The following RBMS3 variants were observed in gnomAD, a reference collection of about 807,000 sequenced individuals.
RBMS3 encodes RNA binding motif single stranded interacting protein 3, also known as RNA-binding motif, single-stranded-interacting protein 3.
Under a neutral mutation model 66.8 loss-of-function variants are expected in RBMS3, and 27 were observed. The observed-to-expected ratio is 0.40, with a 90% CI of 0.30 to 0.56. The LOEUF (loss-of-function observed/expected upper bound fraction) is 0.56, where lower values mean the gene tolerates loss of function less well. RBMS3 is among the 20% of genes least tolerant of loss of function. RBMS3 has a pLI of 0.40. For synonymous variants in RBMS3, 188 were observed against 183.0 expected (o/e 1.03, Z -0.22); for missense variants, 513 against 549.5 (o/e 0.93, Z 0.66).
chr3:29,411,091 A>G (rs894869228), intron 1 of RBMS3, among the ~76,000 whole-genome samples: 4 of 152,176 alleles, frequency 2.6e-5, no homozygotes, highest in Admixed American at 1.3e-4. Flanking sequence ...AAATCCCCAG[A>G]GAAAAGTTAG....
At chr3:29,790,020 G>A (rs184965283) in intron 6 of RBMS3, among the ~76,000 whole-genome samples, 6 of 152,156 alleles carry the variant, frequency 3.9e-5, no homozygotes, top group African/African-American at 1.4e-4. Context: ...AAGACAAAAG[G>A]TGTTATATCA....
chr3:29,759,449 C>T (rs915915609), intron 5 of RBMS3, among the ~76,000 whole-genome samples: 3 of 152,082 alleles, frequency 2.0e-5, no homozygotes, highest in Non-Finnish European at 2.9e-5. Context: ...TTCTGAGGGA[C>T]GCAAGGGGTT....
intron 2 of RBMS3, among the ~76,000 whole-genome samples, chr3:29,464,791 T>G (rs2042482816): frequency 6.6e-6 from 1 of 152,180 alleles, no homozygotes; most frequent in Non-Finnish European, 1.5e-5. Context: ...CACCCCCACC[T>G]TATTCCTAGC....
At chr3:29,814,709 G>GGA (rs1553676775) in intron 6 of RBMS3, among the ~76,000 whole-genome samples, 1 of 152,050 alleles carries the variant, frequency 6.6e-6, no homozygotes, top group Non-Finnish European at 1.5e-5. Context: ...TTTAGTCTTG[G>GGA]GAGAGTGTAT....
chr3:29,794,513 G>A (rs1011666295), intron 6 of RBMS3, among the ~76,000 whole-genome samples: 1 of 152,158 alleles, frequency 6.6e-6, no homozygotes, highest in Non-Finnish European at 1.5e-5. Flanking sequence ...GTGAACCCGG[G>A]AGGCTGAGCT....
At chr3:29,982,342 T>C (rs1698052826) in intron 12 of RBMS3, among the ~76,000 whole-genome samples, 1 of 151,884 alleles carries the variant, frequency 6.6e-6, no homozygotes, top group Non-Finnish European at 1.5e-5. Flanking sequence ...AATAGTCTAT[T>C]TTGTTAATCT....
At chr3:29,373,796 G>C (rs79581253) in intron 1 of RBMS3, among the ~76,000 whole-genome samples, 1,908 of 152,278 alleles carry the variant, frequency 0.013, 49 homozygotes, top group African/African-American at 0.044. Context: ...AGTTTGAAAA[G>C]GGTTGTATAG....
intron 14 of RBMS3, among the ~76,000 whole-genome samples, chr3:29,999,947 T>TA (rs1158302233): frequency 1.3e-5 from 2 of 151,210 alleles, no homozygotes; most frequent in African/African-American, 4.9e-5. Context: ...CCTAAAACCA[T>TA]AAAAACCCTA....
intron 4 of RBMS3, among the ~76,000 whole-genome samples, chr3:29,709,898 G>C (rs1384748043): frequency 6.6e-6 from 1 of 152,076 alleles, no homozygotes; most frequent in Non-Finnish European, 1.5e-5. Flanking sequence ...TATTTTATCA[G>C]TCATAAAGAA....
At chr3:29,477,418 G>T (rs777211289) in intron 2 of RBMS3, among the ~76,000 whole-genome samples, 18 of 151,110 alleles carry the variant, frequency 1.2e-4, no homozygotes, top group Non-Finnish European at 1.9e-4. Flanking sequence ...CATTTAATGG[G>T]CATGTATTGA....
intron 4 of RBMS3, among the ~76,000 whole-genome samples, chr3:29,653,760 G>A (rs979949685): frequency 5.3e-5 from 8 of 151,998 alleles, no homozygotes; most frequent in African/African-American, 1.4e-4. Context: ...AGCAAATACC[G>A]TAATATATGT....
chr3:29,736,299 A>G (rs1295975057), intron 4 of RBMS3, among the ~76,000 whole-genome samples: 1 of 152,254 alleles, frequency 6.6e-6, no homozygotes, highest in Admixed American at 6.5e-5. Flanking sequence ...TGTCTCTGTG[A>G]ATACAAATTA....
intron 12 of RBMS3, among the ~76,000 whole-genome samples, chr3:29,955,259 G>A (rs1037155332): frequency 2.6e-5 from 4 of 151,950 alleles, no homozygotes; most frequent in African/African-American, 9.7e-5. Context: ...AAAGGAGTCA[G>A]CGGGTTCTCA....
chr3:29,519,542 A>G (rs6802870), intron 3 of RBMS3, among the ~76,000 whole-genome samples: 5,503 of 152,268 alleles, frequency 0.036, 291 homozygotes, highest in African/African-American at 0.12. Flanking sequence ...CATTCTCCTC[A>G]GATGAGGGTG....
intron 1 of RBMS3, among the ~76,000 whole-genome samples, chr3:29,365,072 A>G (rs182774246): frequency 1.4e-4 from 22 of 152,228 alleles, no homozygotes; most frequent in Admixed American, 7.2e-4. Context: ...TTGATATTTT[A>G]TATTAGGATG....
At chr3:29,629,066 A>G (rs892950265) in intron 4 of RBMS3, among the ~76,000 whole-genome samples, 6 of 152,146 alleles carry the variant, frequency 3.9e-5, no homozygotes, top group African/African-American at 1.4e-4. Context: ...TCATGATGAC[A>G]TAATGATTGT....
At chr3:29,661,531 T>A (rs1488688447) in intron 4 of RBMS3, among the ~76,000 whole-genome samples, 4 of 152,156 alleles carry the variant, frequency 2.6e-5, no homozygotes, top group Non-Finnish European at 5.9e-5. Flanking sequence ...TTAATTTAGG[T>A]CACTACTGTT....
intron 6 of RBMS3, among the ~76,000 whole-genome samples, chr3:29,861,422 G>T (rs2059214127): frequency 6.6e-6 from 1 of 152,026 alleles, no homozygotes; most frequent in Non-Finnish European, 1.5e-5. Flanking sequence ...TAGCAATAAA[G>T]AAATATTTAA....
intron 4 of RBMS3, among the ~76,000 whole-genome samples, chr3:29,643,680 C>T (rs1249434458): frequency 2.0e-5 from 3 of 152,006 alleles, no homozygotes; most frequent in Non-Finnish European, 2.9e-5. Flanking sequence ...TGTTTGTGGG[C>T]CATTTTTCAT....
Sources: allele counts gnomAD v4.1 joint callset (sites outside exome capture counted in the v4.1 genomes callset), GRCh38; gene constraint gnomAD v4.1.1; transcripts MANE v1.5; gene names NCBI Gene and HGNC (gene_info 2026-07-23, HGNC 2026-07-21).